The following GUCD1 variants were observed in gnomAD, a reference collection of about 807,000 sequenced individuals.
The protein encoded by GUCD1 is guanylyl cyclase domain containing 1, also known as protein GUCD1.
GUCD1 carries 17 observed loss-of-function variants against 28.3 expected under a neutral mutation model. That is an observed-to-expected ratio of 0.60 (90% CI 0.41 to 0.90). The LOEUF (loss-of-function observed/expected upper bound fraction) is 0.90. GUCD1 is among the 40% of genes least tolerant of loss of function. The probability of loss-of-function intolerance (pLI) is 0.00; values close to 1 mark genes in which losing one functional copy is unlikely to be tolerated. For synonymous variants in GUCD1, 129 were observed against 123.3 expected, an observed-to-expected ratio of 1.05 and a Z score of -0.30; for missense variants, 279 against 305.5, an observed-to-expected ratio of 0.91 and a Z score of 0.65.
intron 4 of GUCD1, among the ~76,000 whole-genome samples, chr22:24,544,923 G>A (rs920770362): frequency 6.6e-6 from 1 of 152,070 alleles, no homozygotes; most frequent in African/African-American, 2.4e-5. Context: ...GGGAGACTGA[G>A]GCAAGAAGAT....
intron 3 of GUCD1, 115 bp downstream of exon 3, chr22:24,547,793 G>C: frequency 9.3e-7 from 1 of 1,072,218 alleles, no homozygotes; most frequent in African/African-American, 1.6e-5. Context: ...CTGCACACCT[G>C]GGTATCTACC....
In GUCD1 at chr22:24,540,543, AC is replaced by A. The variant is rs2044567001; in HGVS notation, c.*2462del. 6.6e-6 allele frequency: 1 copy of A among 152,262 alleles called. No individual in the cohort carries two copies. The highest frequency in any genetic ancestry group is 2.4e-5 in the African/African-American group (1 of 41,474). 9.4% of individuals were successfully genotyped at this position (152,262 alleles called of 1,614,324 possible). On this transcript the variant is annotated 3_prime_UTR_variant, in exon 6 of 6. Coordinates refer to ENST00000435822, the MANE Select transcript of GUCD1 (RefSeq NM_001284254.2). Reference sequence around the variant, plus strand: ...CCTTTCATCCCCGTGGCTAGAATGAACAAAGCCCAACTGTCCCACATGGCTT... The same window carrying A: ...CCTTTCATCCCCGTGGCTAGAATGAAAAAGCCCAACTGTCCCACATGGCTT...
At chr22:24,553,094 G>T (rs2044926521) in intron 1 of GUCD1, among the ~76,000 whole-genome samples, 2 of 152,356 alleles carry the variant, frequency 1.3e-5, no homozygotes, top group South Asian at 4.1e-4. Context: ...TATGCAGGAT[G>T]TTGTGCTGTC....
chr22:24,553,198 G>T (rs1010936589), intron 1 of GUCD1, among the ~76,000 whole-genome samples: 2 of 152,178 alleles, frequency 1.3e-5, no homozygotes, highest in African/African-American at 4.8e-5. Flanking sequence ...CCCAGCTTTT[G>T]CTCTTGCACA....
intron 3 of GUCD1, 103 bp downstream of exon 3, chr22:24,547,805 G>T: frequency 8.3e-7 from 1 of 1,206,124 alleles, no homozygotes; most frequent in Non-Finnish European, 1.2e-6. Context: ...GTATCTACCT[G>T]GGTGTCTAGC....
intron 1 of GUCD1, among the ~76,000 whole-genome samples, chr22:24,551,833 T>G (rs1601551098): frequency 6.6e-6 from 1 of 152,208 alleles, no homozygotes; most frequent in South Asian, 2.1e-4. Context: ...AAATTTATGT[T>G]GAAACTTAAT....
chr22:24,541,382 C>T lies in GUCD1; in HGVS notation c.*1624G>A, dbSNP rs928488614. ...CCCTTTGAAAATGACCCATTTCCCA[C>T]TTTGGGAGGCCGAGGCAGGTGGATC... On this transcript the variant is annotated 3_prime_UTR_variant, in exon 6 of 6. Coordinates refer to ENST00000435822, the MANE Select transcript of GUCD1 (RefSeq NM_001284254.2). 6.6e-6 allele frequency: 1 copy of T among 152,404 alleles called. No individual in the cohort carries two copies. The highest frequency in any genetic ancestry group is 1.5e-5 in the Non-Finnish European group (1 of 68,188). The allele number at this position is 152,404 out of a possible 1,614,324, so 9.4% of individuals were successfully genotyped here. A position where few individuals can be genotyped will look rare whatever the true frequency, so the allele number is the denominator to read the frequency against.
At chr22:24,555,238 A>G (rs760512952), upstream of GUCD1, 19 of 1,260,518 alleles carry the variant, frequency 1.5e-5, no homozygotes, top group Non-Finnish European at 1.9e-5. Context: ...AGAGGTCCCC[A>G]GCCTCTTGAT....
chr22:24,543,356 G>T (rs2044641909), intron 5 of GUCD1, among the ~76,000 whole-genome samples: 1 of 152,210 alleles, frequency 6.6e-6, no homozygotes, highest in Non-Finnish European at 1.5e-5. Flanking sequence ...CATAGACGGG[G>T]TAAGTCTATG....
intron 1 of GUCD1, 36 bp downstream of exon 1, chr22:24,554,913 C>T (rs1194579793): frequency 2.0e-6 from 3 of 1,520,730 alleles, no homozygotes; most frequent in African/African-American, 1.4e-5. Context: ...CCTTTCGTTC[C>T]TAGGGTGAAG....
At chr22:24,545,578 T>C (rs1213100611) in intron 4 of GUCD1, among the ~76,000 whole-genome samples, 1 of 151,864 alleles carries the variant, frequency 6.6e-6, no homozygotes, top group Non-Finnish European at 1.5e-5. Flanking sequence ...CATGTGGTCA[T>C]AGTATGAATG....
At position 24,544,164 on chromosome 22, in the gene GUCD1, T is replaced by C. The variant is rs974724428; in HGVS notation, c.387-81A>G. 2.6e-6 allele frequency: 4 copies of C among 1,543,732 alleles called. No individual in the cohort carries two copies. The African/African-American group carries it at 5.4e-5, about 21-fold the overall frequency. ...AAATGGATCCCTGCTTGTGCCTGTTTCTCTGTTACAAAGCTTGGGGATCGG... is the reference window on the plus strand; with the variant it reads ...AAATGGATCCCTGCTTGTGCCTGTTCCTCTGTTACAAAGCTTGGGGATCGG... On this transcript the variant is annotated intron_variant, in intron 4 of 5. Transcript: ENST00000435822.
At chr22:24,547,788 C>T in intron 3 of GUCD1, 120 bp downstream of exon 3, 2 of 1,035,576 alleles carry the variant, frequency 1.9e-6, no homozygotes, top group Non-Finnish European at 2.8e-6. Flanking sequence ...GGTCTCTGCA[C>T]ACCTGGGTAT....
chr22:24,555,081 T>C lies in GUCD1; in HGVS notation c.-90A>G. On this transcript the variant is annotated 5_prime_UTR_variant, in exon 1 of 6. Transcript: ENST00000435822. Reference sequence around the variant, plus strand: ...GGGGCGGGAGGGCGGTCGGTGCGTGTCGAGTTCCTTCTCCGCCACCGCCGC... The same window carrying C: ...GGGGCGGGAGGGCGGTCGGTGCGTGCCGAGTTCCTTCTCCGCCACCGCCGC... The C allele has an allele frequency of 7.6e-7, 1 of 1,321,494 alleles. No individual in the cohort carries two copies. The highest frequency in any genetic ancestry group is 9.7e-7 in the Non-Finnish European group (1 of 1,031,764). 81.9% of individuals were successfully genotyped at this position (1,321,494 alleles called of 1,614,324 possible). A position where few individuals can be genotyped will look rare whatever the true frequency, so the allele number is the denominator to read the frequency against.
chr22:24,555,751 C>G, upstream of GUCD1: 1 of 1,550,610 alleles, frequency 6.4e-7, no homozygotes, highest in Admixed American at 2.0e-5. Context: ...GTGTGGGGTG[C>G]TTGGAAGTGT....
chr22:24,546,359 G>C (rs1272601433), intron 4 of GUCD1, among the ~76,000 whole-genome samples: 4 of 152,204 alleles, frequency 2.6e-5, no homozygotes, highest in Non-Finnish European at 5.9e-5. Context: ...AGAAGAGCCT[G>C]TCCAGGACCT....
chr22:24,544,228 T>C, intron 4 of GUCD1, 145 bp from the exon 5 acceptor site: 2 of 1,172,660 alleles, frequency 1.7e-6, no homozygotes, highest in Non-Finnish European at 2.4e-6. Flanking sequence ...GCTCTGTCAC[T>C]GTGGCCCAGG....
intron 4 of GUCD1, among the ~76,000 whole-genome samples, chr22:24,545,636 C>A (rs983332824): frequency 5.3e-5 from 8 of 151,624 alleles, no homozygotes; most frequent in Non-Finnish European, 7.4e-5. Flanking sequence ...CAGAGTCTGT[C>A]TCTGTTGCCC....
chr22:24,543,959 G>A lies in GUCD1; in HGVS notation c.511C>T (p.Pro171Ser), dbSNP rs778717137. ...SSPVKYCCFT[P>S]SGHHCFCRTP... is the part of the protein sequence containing the mutation. ...CGGCAGAAGCAGTGGTGGCCACTGG[G>A]GGTGAAGCAGCAGTACTTGACAGGG... Residue 171 changes from proline to serine, a missense_variant, in exon 5 of 6, where the codon CCC becomes TCC. Coordinates refer to ENST00000435822, the MANE Select transcript of GUCD1 (RefSeq NM_001284254.2). 5.6e-6 allele frequency: 9 copies of A among 1,613,944 alleles called. No individual in the cohort carries two copies. Among genetic ancestry groups the A allele is most frequent in the South Asian group, 5.5e-5 (5 of 91,082 alleles).
Sources: gnomAD v4.1 joint callset for allele counts (sites outside exome capture counted in the v4.1 genomes callset) on GRCh38, gnomAD v4.1.1 for gene constraint, MANE v1.5 for transcripts, NCBI Gene and HGNC (gene_info 2026-07-23, HGNC 2026-07-21) for gene names.